Variants in IQSEC1 observed in about 807,000 individuals in gnomAD.
IQSEC1 encodes IQ motif and SEC7 domain-containing protein 1.
Under a neutral mutation model 91.0 loss-of-function variants are expected in IQSEC1, and 31 were observed. The observed-to-expected ratio is 0.34, with a 90% CI of 0.26 to 0.46. IQSEC1 has a LOEUF of 0.46. Ranked by LOEUF, IQSEC1 falls within the 20% of genes least tolerant of loss-of-function variation. IQSEC1 has a pLI of 1.00. For synonymous variants in IQSEC1, 699 were observed against 662.6 expected, an observed-to-expected ratio of 1.05 and a Z score of -0.84; for missense variants, 1,388 against 1,575.6, an observed-to-expected ratio of 0.88 and a Z score of 2.02.
At position 13,182,494 on chromosome 3, in the gene IQSEC1, T is replaced by C. The variant is rs75864332; in HGVS notation, c.273-18361A>G. ...ATGATGGCTATATGGATTATACCAG[T>C]GGATAAACGGGTGGCAATGGATAGA... On this transcript the variant is annotated intron_variant, in intron 1 of 15. Coordinates refer to the IQSEC1 transcript ENST00000648114. Among the ~76,000 whole-genome samples the C allele has an allele frequency of 5.3e-3, 812 of 152,242 alleles. 5 individuals are homozygous for C. The highest frequency in any genetic ancestry group is 0.019 in the African/African-American group (771 of 41,522).
intron 2 of IQSEC1, among the ~76,000 whole-genome samples, chr3:13,100,026 C>G (rs1225429691): frequency 8.1e-6 from 1 of 124,206 alleles, no homozygotes; most frequent in African/African-American, 3.4e-5. Flanking sequence ...GGCCTTCACT[C>G]TGGCGCAGGA....
chr3:12,937,997 G>A (rs867977682), intron 2 of IQSEC1, among the ~76,000 whole-genome samples: 42 of 152,276 alleles, frequency 2.8e-4, no homozygotes, highest in African/African-American at 9.9e-4. Context: ...CAGACCTCCC[G>A]AATTCCTGAG....
chr3:13,252,014 T>C (rs1406392168), intron 1 of IQSEC1, among the ~76,000 whole-genome samples: 3 of 152,216 alleles, frequency 2.0e-5, no homozygotes, highest in African/African-American at 7.2e-5. Flanking sequence ...CATACTGTTT[T>C]TCCCCGATTT....
At chr3:13,264,761 GTC>G (rs1223894190) in intron 1 of IQSEC1, among the ~76,000 whole-genome samples, 1 of 151,692 alleles carries the variant, frequency 6.6e-6, no homozygotes, top group Non-Finnish European at 1.5e-5. Context: ...AACACATACA[GTC>G]TCTGCCTCTC....
At chr3:13,222,812 C>T (rs1371947775) in intron 1 of IQSEC1, among the ~76,000 whole-genome samples, 3 of 152,210 alleles carry the variant, frequency 2.0e-5, no homozygotes, top group Admixed American at 6.5e-5. Context: ...TGTGGGGCCC[C>T]AGACCCTCTG....
chr3:13,253,410 C>T (rs370705022), intron 1 of IQSEC1, among the ~76,000 whole-genome samples: 3 of 152,268 alleles, frequency 2.0e-5, no homozygotes, highest in East Asian at 1.9e-4. Flanking sequence ...CATCCCCACC[C>T]GAGGCAGCTT....
chr3:13,252,435 G>C (rs760880289), intron 1 of IQSEC1, among the ~76,000 whole-genome samples: 1 of 152,228 alleles, frequency 6.6e-6, no homozygotes, highest in Non-Finnish European at 1.5e-5. Context: ...TTGTGAATCG[G>C]TTTATCTGTG....
intron 1 of IQSEC1, among the ~76,000 whole-genome samples, chr3:13,013,587 A>G (rs916194387): frequency 7.2e-5 from 11 of 151,890 alleles, no homozygotes; most frequent in African/African-American, 2.2e-4. Context: ...AATACAACCA[A>G]CCGCTTACCC....
chr3:13,179,123 T>A (rs1693790055), intron 1 of IQSEC1, among the ~76,000 whole-genome samples: 1 of 152,164 alleles, frequency 6.6e-6, no homozygotes, highest in Admixed American at 6.5e-5. Flanking sequence ...GAAACTGAGC[T>A]CCCATCTCCT....
intron 2 of IQSEC1, among the ~76,000 whole-genome samples, chr3:13,102,837 C>A (rs760378197): frequency 2.4e-4 from 36 of 152,172 alleles, no homozygotes; most frequent in Non-Finnish European, 3.5e-4. Flanking sequence ...ACGGCTGCAC[C>A]CCTGGTGCTG....
intron 1 of IQSEC1, among the ~76,000 whole-genome samples, chr3:12,963,260 CT>C (rs1700354226): frequency 6.6e-6 from 1 of 152,260 alleles, no homozygotes; most frequent in South Asian, 2.1e-4. Flanking sequence ...TGTCAGGAAA[CT>C]GCAAACCGAG....
Position 13,098,830 on chromosome 3 carries a change from C to T in IQSEC1, c.303-51308G>A, listed in dbSNP as rs190025251. On this transcript the variant is annotated intron_variant, in intron 2 of 15. Coordinates refer to the IQSEC1 transcript ENST00000648114. ...TGGGAAATGACTGCTACTGGGTATA[C>T]GGTTTCTTTCTGGATGATGAAAATG... Among the ~76,000 whole-genome samples, 16 of 152,196 alleles carry T rather than the reference C, an allele frequency of 1.1e-4. 1 individual carries two copies. Among genetic ancestry groups the T allele is most frequent in the African/African-American group, 2.9e-4 (12 of 41,528 alleles).
At chr3:13,002,363 T>C (rs1353493343) in intron 1 of IQSEC1, among the ~76,000 whole-genome samples, 1 of 152,122 alleles carries the variant, frequency 6.6e-6, no homozygotes, top group African/African-American at 2.4e-5. Context: ...TAAAAACTTT[T>C]GCACTTCAAA....
chr3:12,967,239 C>G lies in IQSEC1; in HGVS notation c.24-25374G>C, dbSNP rs1700637255. 1 of 639,836 alleles carries G rather than the reference C, an allele frequency of 1.6e-6. No homozygotes were observed. The highest frequency in any genetic ancestry group is 2.6e-6 in the Non-Finnish European group (1 of 389,136). 39.6% of individuals were successfully genotyped at this position (639,836 alleles called of 1,614,324 possible). The stretch of plus-strand genomic sequence containing the variant: ...TCACCCAAACCCACAGTCTGGCGGA[C>G]GCACCCCGCCCCGCAGGCAGCTTTC... On this transcript the variant is annotated intron_variant, in intron 1 of 13. Coordinates refer to ENST00000613206, the MANE Select transcript of IQSEC1 (RefSeq NM_001134382.3). This position sits in a 1 kb window ranked among gnomAD's most constrained non-coding sequence, Gnocchi z 5.9.
chr3:12,907,780 C>A (rs1474975574), intron 12 of IQSEC1, among the ~76,000 whole-genome samples: 1 of 152,214 alleles, frequency 6.6e-6, no homozygotes, highest in Non-Finnish European at 1.5e-5. Context: ...AACAAAGAAA[C>A]AACCACAACA....
intron 1 of IQSEC1, among the ~76,000 whole-genome samples, chr3:13,024,756 C>G (rs559127270): frequency 6.6e-6 from 1 of 152,344 alleles, no homozygotes; most frequent in East Asian, 1.9e-4. Context: ...TCCATCCACC[C>G]ATCCATCCAC....
At chr3:12,980,379 C>T (rs181034649) in intron 1 of IQSEC1, among the ~76,000 whole-genome samples, 41 of 152,330 alleles carry the variant, frequency 2.7e-4, no homozygotes, top group African/African-American at 8.4e-4. Context: ...TCTTGAGACC[C>T]AGACGGACCA....
At chr3:13,174,160 T>G (rs1693672941) in intron 1 of IQSEC1, among the ~76,000 whole-genome samples, 1 of 152,158 alleles carries the variant, frequency 6.6e-6, no homozygotes, top group Non-Finnish European at 1.5e-5. Context: ...CCCTGGAATC[T>G]GAATCTTGTG....
At position 13,121,080 on chromosome 3, in the gene IQSEC1, G is replaced by A. The variant is rs114605526; in HGVS notation, c.302+43024C>T. On this transcript the variant is annotated intron_variant, in intron 2 of 15. Transcript: ENST00000648114. ...TATCCTGGAGGAGGCCAGCATGGTC[G>A]GCATCGTCCTCGGCCCTGACTATCA... Among the ~76,000 whole-genome samples, 459 of 152,290 alleles carry A rather than the reference G, an allele frequency of 3.0e-3. 2 individuals carry two copies. Among genetic ancestry groups the A allele is most frequent in the African/African-American group, 0.011 (438 of 41,552 alleles).
Sources: allele counts gnomAD v4.1 joint callset (sites outside exome capture counted in the v4.1 genomes callset), GRCh38; gene constraint gnomAD v4.1.1; non-coding constraint Gnocchi (gnomAD v3.1); transcripts MANE v1.5; gene names NCBI Gene and HGNC (gene_info 2026-07-23, HGNC 2026-07-21).